Variants in PSMA1 observed in about 807,000 individuals in gnomAD.
PSMA1 encodes proteasome subunit alpha type-1.
PSMA1 carries 3 observed loss-of-function variants against 38.4 expected under a neutral mutation model. That is an observed-to-expected ratio of 0.08 (90% CI 0.04 to 0.20). The LOEUF (loss-of-function observed/expected upper bound fraction) is 0.20. PSMA1 is among the 10% of genes least tolerant of loss of function. The pLI is 1.00. For missense variants in PSMA1, 227 were observed against 325.3 expected (o/e 0.70, Z 2.32); for synonymous variants, 101 against 107.1 (o/e 0.94, Z 0.35).
chr11:14,635,487 C>T (rs919955019), intron 1 of PSMA1, among the ~76,000 whole-genome samples: 5 of 152,152 alleles, frequency 3.3e-5, no homozygotes, highest in Admixed American at 2.0e-4. Flanking sequence ...GGTTATTTAG[C>T]AGGAAAATGA....
chr11:14,519,125 A>G (rs1823466), intron 1 of PSMA1, 84 bp from the exon 2 acceptor site: 1,171,152 of 1,176,242 alleles, frequency 1, 583,224 homozygotes, highest in East Asian at 1. Context: ...ATATGCTTGT[A>G]TTTCCATTCA....
intron 2 of PSMA1, among the ~76,000 whole-genome samples, chr11:14,605,553 C>T (rs945300802): frequency 9.2e-5 from 14 of 151,866 alleles, no homozygotes; most frequent in African/African-American, 3.1e-4. Context: ...CTGGCGCTAA[C>T]TTTGTTTATT....
chr11:14,521,337 A>T (rs11023248), upstream of PSMA1, among the ~76,000 whole-genome samples: 12 of 150,026 alleles, frequency 8.0e-5, no homozygotes, highest in Non-Finnish European at 1.8e-4. Flanking sequence ...AGAATAATAA[A>T]AAAAAAAGGC....
intron 2 of PSMA1, among the ~76,000 whole-genome samples, chr11:14,572,009 G>T (rs1057198950): frequency 2.6e-5 from 4 of 152,134 alleles, no homozygotes; most frequent in African/African-American, 4.8e-5. Flanking sequence ...CCCAGATTCA[G>T]AAAGCAAGTC....
chr11:14,583,081 A>G (rs968421422), intron 2 of PSMA1, among the ~76,000 whole-genome samples: 4 of 152,228 alleles, frequency 2.6e-5, no homozygotes, highest in African/African-American at 9.6e-5. Flanking sequence ...GCTTTCAACA[A>G]ACTTACAGGG....
intron 2 of PSMA1, among the ~76,000 whole-genome samples, chr11:14,548,926 A>G (rs1304161682): frequency 1.3e-5 from 2 of 152,254 alleles, no homozygotes; most frequent in African/African-American, 4.8e-5. Context: ...AAATTTCAGT[A>G]TAGAAAATAA....
chr11:14,565,178 T>C (rs907947789), intron 2 of PSMA1, among the ~76,000 whole-genome samples: 1 of 152,208 alleles, frequency 6.6e-6, no homozygotes, highest in Non-Finnish European at 1.5e-5. Flanking sequence ...TTTATGTGTA[T>C]AGAGTTGTTT....
chr11:14,580,341 TG>T (rs1397297765), intron 2 of PSMA1, among the ~76,000 whole-genome samples: 1 of 152,218 alleles, frequency 6.6e-6, no homozygotes, highest in Non-Finnish European at 1.5e-5. Context: ...GCCTTGAACA[TG>T]CTGTTCCATC....
At chr11:14,595,020 A>G (rs1433464355) in intron 2 of PSMA1, among the ~76,000 whole-genome samples, 3 of 150,592 alleles carry the variant, frequency 2.0e-5, no homozygotes, top group Non-Finnish European at 2.9e-5. Flanking sequence ...TTGATTTTCT[A>G]TCCTTATGAC....
At chr11:14,628,241 T>C (rs1852942159) in intron 1 of PSMA1, among the ~76,000 whole-genome samples, 1 of 150,764 alleles carries the variant, frequency 6.6e-6, no homozygotes, top group African/African-American at 2.4e-5. Flanking sequence ...TATGTATACA[T>C]GTGCCATGCT....
chr11:14,522,928 T>G (rs562092177), upstream of PSMA1, among the ~76,000 whole-genome samples: 20 of 152,340 alleles, frequency 1.3e-4, no homozygotes, highest in Non-Finnish European at 2.5e-4. Context: ...TACTGAGATA[T>G]TCCTAGTACC....
chr11:14,630,897 A>G (rs988379339), intron 1 of PSMA1, among the ~76,000 whole-genome samples: 9 of 151,558 alleles, frequency 5.9e-5, no homozygotes, highest in African/African-American at 1.2e-4. Flanking sequence ...GTCTTGGGAG[A>G]GTGTATGTGT....
intron 8 of PSMA1, among the ~76,000 whole-genome samples, chr11:14,509,371 C>T (rs1851301653): frequency 6.6e-6 from 1 of 152,054 alleles, no homozygotes; most frequent in Non-Finnish European, 1.5e-5. Flanking sequence ...AAAATTGAAC[C>T]ACTACTCTTC....
intron 1 of PSMA1, among the ~76,000 whole-genome samples, chr11:14,627,354 T>C (rs1052349040): frequency 7.2e-5 from 11 of 152,224 alleles, no homozygotes; most frequent in African/African-American, 1.7e-4. Context: ...AGGTGCTTGG[T>C]AGAAATGCAG....
intron 2 of PSMA1, among the ~76,000 whole-genome samples, chr11:14,549,518 G>A (rs1421685170): frequency 2.0e-5 from 3 of 151,944 alleles, no homozygotes; most frequent in Non-Finnish European, 2.9e-5. Flanking sequence ...TGGCTAACAC[G>A]TTGAAACCCT....
intron 1 of PSMA1, among the ~76,000 whole-genome samples, chr11:14,623,176 C>A (rs773681212): frequency 7.2e-5 from 11 of 152,200 alleles, no homozygotes; most frequent in Admixed American, 3.3e-4. Flanking sequence ...GTAGCTCAGA[C>A]CAGCATGTCA....
chr11:14,527,804 G>A (rs539313938), intron 2 of PSMA1, among the ~76,000 whole-genome samples: 5 of 152,094 alleles, frequency 3.3e-5, no homozygotes, highest in African/African-American at 1.2e-4. Flanking sequence ...GGTATTCAGT[G>A]GCACCTGGTT....
intron 2 of PSMA1, among the ~76,000 whole-genome samples, chr11:14,577,921 G>C (rs368740398): frequency 1.4e-4 from 21 of 152,268 alleles, no homozygotes; most frequent in African/African-American, 4.8e-4. Context: ...CTGTTTGTTT[G>C]AAAGAGCCTC....
At chr11:14,551,423 G>C (rs1311022286) in intron 2 of PSMA1, among the ~76,000 whole-genome samples, 5 of 152,158 alleles carry the variant, frequency 3.3e-5, no homozygotes, top group Non-Finnish European at 7.4e-5. Context: ...GAATTGGCCT[G>C]TTATTTGATG....
Sources: gnomAD v4.1 joint callset for allele counts (sites outside exome capture counted in the v4.1 genomes callset) on GRCh38, gnomAD v4.1.1 for gene constraint, MANE v1.5 for transcripts, NCBI Gene and HGNC (gene_info 2026-07-23, HGNC 2026-07-21) for gene names.